RRAGB: variants seen among roughly 807,000 people sequenced by gnomAD.
The protein encoded by RRAGB is ras-related GTP-binding protein B.
RRAGB carries 6 observed loss-of-function variants against 29.3 expected under a neutral mutation model. The observed-to-expected ratio is 0.21, with a 90% confidence interval of 0.11 to 0.40. The LOEUF (loss-of-function observed/expected upper bound fraction) is 0.40. Among genes scored for constraint, RRAGB ranks in the 10% least tolerant of loss-of-function variants. The probability of loss-of-function intolerance (pLI) is 1.00; values close to 1 mark genes in which losing one functional copy is unlikely to be tolerated. For synonymous variants in RRAGB, 101 were observed against 92.5 expected, an observed-to-expected ratio of 1.09 and a Z score of -0.53; for missense variants, 184 against 272.9, an observed-to-expected ratio of 0.67 and a Z score of 2.29.
chrX:55,722,499 T>C (rs968382929), intron 3 of RRAGB, among the ~76,000 whole-genome samples: 6 of 111,702 alleles, frequency 5.4e-5, no homozygotes, highest in African/African-American at 2.0e-4. Context: ...TTCTAGGTTG[T>C]TTATGAAGTG....
chrX:55,721,596 A>C (rs2033282310), intron 2 of RRAGB, among the ~76,000 whole-genome samples: 1 of 111,389 alleles, frequency 9.0e-6, no homozygotes, highest in South Asian at 3.8e-4. Flanking sequence ...ACAGGAGATG[A>C]GGGATGAGAA....
intron 6 of RRAGB, 127 bp downstream of exon 6, chrX:55,751,323 T>C (rs2034520914): frequency 7.4e-6 from 3 of 405,748 alleles, no homozygotes; most frequent in Non-Finnish European, 1.2e-5. Flanking sequence ...AAAAGAAAAA[T>C]AATCTGCAAC....
chrX:55,758,278 G>T lies in RRAGB; in HGVS notation c.976G>T (p.Ala326Ser). Residue 326 changes from alanine to serine, a missense_variant, in exon 10 of 10, where the codon GCC becomes TCC. By Grantham distance (99) the Ala-to-Ser change is moderately conservative. Transcript: ENST00000374941. ...AGCTACTCTGATCAACATCCGCAAT[G>T]CCAGGAAACACTTTGAAAAGCTGGA... ...SAATLINIRN[A>S]RKHFEKLERV... The T allele has an allele frequency of 8.3e-7, 1 of 1,206,193 alleles. No individual in the cohort carries two copies. Among genetic ancestry groups the T allele is most frequent in the Non-Finnish European group, 1.1e-6 (1 of 891,551 alleles).
chrX:55,721,942 G>A (rs1411724645), intron 2 of RRAGB, among the ~76,000 whole-genome samples: 1 of 112,673 alleles, frequency 8.9e-6, no homozygotes, highest in East Asian at 2.8e-4. Flanking sequence ...TAAATTCAGT[G>A]TAATTCTGTC....
intron 5 of RRAGB, among the ~76,000 whole-genome samples, chrX:55,749,509 C>G (rs901765519): frequency 1.4e-4 from 15 of 111,096 alleles, no homozygotes; most frequent in Non-Finnish European, 2.8e-4. Flanking sequence ...CCCCTCTGCC[C>G]GGCCACCACC....
At chrX:55,743,225 C>G (rs1170765647) in intron 5 of RRAGB, among the ~76,000 whole-genome samples, 1 of 112,153 alleles carries the variant, frequency 8.9e-6, no homozygotes, top group Admixed American at 9.4e-5. Flanking sequence ...ATGAGGCATT[C>G]TGTAAATCCA....
Position 55,719,314 on chromosome X carries a change from G to A in RRAGB, c.93G>A (p.Gly31=), listed in dbSNP as rs754025741. The A allele has an allele frequency of 1.2e-5, 14 of 1,189,995 alleles. No individual in the cohort carries two copies. Among genetic ancestry groups the A allele is most frequent in the Non-Finnish European group, 1.6e-5 (14 of 884,943 alleles). The change falls in exon 2 of 10, where the codon GGG becomes GGA. Residue 31 remains glycine, a splice_region_variant and synonymous_variant. Transcript: ENST00000374941. ...ACTGTTTTTTGGTTTATATCTGCAG[G>A]TGGGTGCTACCAAATACAGCCATGA... ...PPLGEPEGSL[G]WVLPNTAMKK...
intron 5 of RRAGB, among the ~76,000 whole-genome samples, chrX:55,738,010 C>G (rs2033924689): frequency 8.9e-6 from 1 of 112,457 alleles, no homozygotes; most frequent in South Asian, 3.7e-4. Flanking sequence ...CGTCTTTGAG[C>G]TTGGATACCA....
intron 5 of RRAGB, among the ~76,000 whole-genome samples, chrX:55,740,202 AG>A (rs1433048325): frequency 2.7e-5 from 3 of 110,994 alleles, no homozygotes; most frequent in African/African-American, 9.8e-5. Flanking sequence ...GGGCGCCTGT[AG>A]TCCCAGCTAC....
chrX:55,737,970 T>A (rs1210055810), intron 5 of RRAGB, among the ~76,000 whole-genome samples: 1 of 112,359 alleles, frequency 8.9e-6, no homozygotes, highest in Non-Finnish European at 1.9e-5. Context: ...CAGCCCACTC[T>A]GGTACTTGTG....
rs1346576340 is a variant in RRAGB, at chrX:55,740,351, ACCATG to A, written c.516+8766_516+8770del. ...AAAAAAAAAATCATTGTGATTTTGA[ACCATG>A]AATTTTAAATCATTATGACTAGGCT... On this transcript the variant is annotated intron_variant, in intron 5 of 9. Transcript: ENST00000374941. Among the ~76,000 whole-genome samples, 133 of 111,631 alleles carry A rather than the reference ACCATG, an allele frequency of 1.2e-3. 2 individuals carry two copies. The highest frequency in any genetic ancestry group is 4.3e-3 in the African/African-American group (131 of 30,602).
intron 5 of RRAGB, among the ~76,000 whole-genome samples, chrX:55,733,922 G>A (rs1305060946): frequency 1.3e-5 from 1 of 77,165 alleles, no homozygotes; most frequent in Non-Finnish European, 3.1e-5. Flanking sequence ...GAATCTATCT[G>A]GTCCTGGGGT....
chrX:55,740,447 A>G (rs1252444284), intron 5 of RRAGB, among the ~76,000 whole-genome samples: 1 of 112,341 alleles, frequency 8.9e-6, no homozygotes, highest in Non-Finnish European at 1.9e-5. Context: ...AACAAGAAAC[A>G]AATTTGTTTA....
At chrX:55,756,754 C>T (rs763498967) in intron 8 of RRAGB, among the ~76,000 whole-genome samples, 1 of 112,068 alleles carries the variant, frequency 8.9e-6, no homozygotes, top group African/African-American at 3.2e-5. Flanking sequence ...TGATTTTAAA[C>T]ATGGATCTAG....
intron 5 of RRAGB, among the ~76,000 whole-genome samples, chrX:55,742,228 G>A (rs1444193127): frequency 8.9e-6 from 1 of 112,294 alleles, no homozygotes; most frequent in Non-Finnish European, 1.9e-5. Context: ...CATGACAATT[G>A]CAATTCTCAT....
chrX:55,749,147 T>G (rs1345862926), intron 5 of RRAGB, among the ~76,000 whole-genome samples: 6 of 41,999 alleles, frequency 1.4e-4, no homozygotes, highest in African/African-American at 2.0e-4. Context: ...AAGTGAGGAG[T>G]CCCTCTGCCC....
chrX:55,748,966 G>A (rs1361497146), intron 5 of RRAGB, among the ~76,000 whole-genome samples: 4 of 81,817 alleles, frequency 4.9e-5, no homozygotes, highest in Non-Finnish European at 9.6e-5. Context: ...AGGTGGGGGA[G>A]TCAGCCCCCC....
chrX:55,726,393 T>G (rs998250827), intron 3 of RRAGB, among the ~76,000 whole-genome samples: 2 of 111,443 alleles, frequency 1.8e-5, no homozygotes, highest in African/African-American at 6.5e-5. Flanking sequence ...AGACATGGTT[T>G]TTTTCTGTTT....
intron 5 of RRAGB, among the ~76,000 whole-genome samples, chrX:55,734,245 GA>G (rs1379015721): frequency 9.2e-6 from 1 of 108,555 alleles, no homozygotes; most frequent in Non-Finnish European, 1.9e-5. Flanking sequence ...TTACAGGCTT[GA>G]GCCACCGTGC....
Sources: allele counts gnomAD v4.1 joint callset (sites outside exome capture counted in the v4.1 genomes callset), GRCh38; gene constraint gnomAD v4.1.1; transcripts MANE v1.5; gene names NCBI Gene and HGNC (gene_info 2026-07-23, HGNC 2026-07-21).